Variants in CLSTN2 observed in about 807,000 individuals in gnomAD.
CLSTN2 encodes calsyntenin-2.
A neutral mutation model predicts 101.2 loss-of-function variants in CLSTN2; 48 were observed. The ratio of observed to expected loss-of-function variants is 0.47; its 90% CI spans 0.38 to 0.60. The LOEUF (loss-of-function observed/expected upper bound fraction) is 0.60, where lower values mean the gene tolerates loss of function less well. Ranked by LOEUF, CLSTN2 falls within the 20% of genes least tolerant of loss-of-function variation. The probability of loss-of-function intolerance (pLI) is 0.00; values close to 1 mark genes in which losing one functional copy is unlikely to be tolerated. For synonymous variants in CLSTN2, 481 were observed against 463.6 expected, an observed-to-expected ratio of 1.04 and a Z score of -0.48; for missense variants, 1,160 against 1,238.2, an observed-to-expected ratio of 0.94 and a Z score of 0.95.
At chr3:140,209,399 T>C (rs549015220) in intron 2 of CLSTN2, among the ~76,000 whole-genome samples, 4 of 152,252 alleles carry the variant, frequency 2.6e-5, no homozygotes, top group African/African-American at 9.6e-5. Context: ...TTGGTGGCCA[T>C]AGAGGGATTT....
In CLSTN2 at chr3:140,558,808, T is replaced by G. The variant is rs762647524; in HGVS notation, c.1992T>G (p.Ile664Met). 1.9e-6 allele frequency: 3 copies of G among 1,613,968 alleles called. No homozygotes were observed. In the South Asian group the frequency reaches 3.3e-5, roughly 18 times the overall value. The part of the protein sequence containing the change: ...RGVTLFPDIK[I>M]VSTFAKTEAP... ...TGACCCTCTTCCCTGATATCAAGAT[T>G]GTGAGCACCTTCGCCAAAACCGAAG... Residue 664 changes from isoleucine to methionine, a missense_variant, in exon 12 of 17, where the codon ATT (isoleucine) becomes ATG (methionine). Transcript: ENST00000458420.
intron 2 of CLSTN2, among the ~76,000 whole-genome samples, chr3:140,312,068 T>A (rs988291569): frequency 6.6e-6 from 1 of 152,240 alleles, no homozygotes; most frequent in Admixed American, 6.5e-5. Context: ...CTTTCTCCCA[T>A]GCAGTATAGG....
At chr3:140,033,949 C>T (rs1198075192) in intron 1 of CLSTN2, among the ~76,000 whole-genome samples, 1 of 152,172 alleles carries the variant, frequency 6.6e-6, no homozygotes, top group Non-Finnish European at 1.5e-5. Flanking sequence ...AAATGTCTCT[C>T]ATTAGCCTTT....
chr3:140,152,901 A>G (rs2009889396), intron 1 of CLSTN2, among the ~76,000 whole-genome samples: 2 of 152,266 alleles, frequency 1.3e-5, no homozygotes, highest in Admixed American at 1.3e-4. Context: ...GCTGTGTGCA[A>G]GCCCTGAGGA....
chr3:140,489,097 A>G (rs1382226691), intron 8 of CLSTN2, among the ~76,000 whole-genome samples: 3 of 152,204 alleles, frequency 2.0e-5, no homozygotes, highest in Admixed American at 6.5e-5. Flanking sequence ...TTTAAGTGAT[A>G]AAATGGGAGA....
rs150113926 is a variant in CLSTN2, at chr3:140,371,960, C to T, written c.233-31669C>T. Reference sequence around the variant, plus strand: ...GAGGCCAGAGAGACCAAGCCAGTAACGACTGCGTGGCAACTGGGTTTGTAA... The same window carrying T: ...GAGGCCAGAGAGACCAAGCCAGTAATGACTGCGTGGCAACTGGGTTTGTAA... On this transcript the variant is annotated intron_variant, in intron 2 of 16. Transcript: ENST00000458420. Among the ~76,000 whole-genome samples the T allele has an allele frequency of 6.7e-4, 102 of 152,224 alleles. 1 individual carries two copies. Among genetic ancestry groups the T allele is most frequent in the African/African-American group, 2.2e-3 (92 of 41,542 alleles).
chr3:140,338,865 A>C (rs2087466724), intron 2 of CLSTN2, among the ~76,000 whole-genome samples: 1 of 152,166 alleles, frequency 6.6e-6, no homozygotes. Context: ...CTGCTACCTT[A>C]ATCCAAAATG....
chr3:140,285,171 C>A (rs552886805), intron 2 of CLSTN2, among the ~76,000 whole-genome samples: 1 of 152,248 alleles, frequency 6.6e-6, no homozygotes, highest in East Asian at 1.9e-4. Flanking sequence ...GTTCTCTGTG[C>A]TGTTCAATAT....
intron 2 of CLSTN2, among the ~76,000 whole-genome samples, chr3:140,316,438 G>A (rs151154235): frequency 6.6e-6 from 1 of 152,202 alleles, no homozygotes; most frequent in Admixed American, 6.5e-5. Flanking sequence ...GTACAAGTAG[G>A]CACCTGCTAA....
intron 8 of CLSTN2, chr3:140,508,922 T>G (rs1934740819): frequency 6.6e-6 from 1 of 152,090 alleles, no homozygotes; most frequent in African/African-American, 2.4e-5. Context: ...CTTTTTTTTT[T>G]GAGTGGGGGC....
chr3:140,553,779 G>C (rs1935750662), intron 10 of CLSTN2, among the ~76,000 whole-genome samples: 2 of 152,206 alleles, frequency 1.3e-5, no homozygotes, highest in African/African-American at 4.8e-5. Context: ...ATTGGCCAGA[G>C]GTAGTCATGT....
At chr3:140,258,260 A>T (rs772098003) in intron 2 of CLSTN2, among the ~76,000 whole-genome samples, 2 of 152,232 alleles carry the variant, frequency 1.3e-5, no homozygotes, top group Non-Finnish European at 2.9e-5. Flanking sequence ...TCCATCTTCC[A>T]ATTTGCTAAT....
intron 1 of CLSTN2, among the ~76,000 whole-genome samples, chr3:139,969,959 G>A (rs577464745): frequency 6.6e-6 from 1 of 152,170 alleles, no homozygotes; most frequent in Non-Finnish European, 1.5e-5. Flanking sequence ...TGACATAAAA[G>A]GAGAGGGCAC....
chr3:140,002,278 C>A (rs923325437), intron 1 of CLSTN2, among the ~76,000 whole-genome samples: 1 of 152,170 alleles, frequency 6.6e-6, no homozygotes, highest in Non-Finnish European at 1.5e-5. Flanking sequence ...GAGATGATAT[C>A]TCATAGTTTT....
At chr3:139,964,035 C>T (rs533062153) in intron 1 of CLSTN2, among the ~76,000 whole-genome samples, 1 of 152,330 alleles carries the variant, frequency 6.6e-6, no homozygotes, top group South Asian at 2.1e-4. Context: ...GCTGCCTTGG[C>T]TCACACCACC....
intron 8 of CLSTN2, among the ~76,000 whole-genome samples, chr3:140,470,770 T>A (rs899381015): frequency 1.3e-5 from 2 of 152,184 alleles, no homozygotes; most frequent in African/African-American, 4.8e-5. Context: ...TAAGCAAATA[T>A]AACTCATGCG....
intron 9 of CLSTN2, among the ~76,000 whole-genome samples, chr3:140,540,542 G>C (rs936640847): frequency 2.0e-5 from 3 of 152,204 alleles, no homozygotes; most frequent in Admixed American, 2.0e-4. Flanking sequence ...TATTTGCATT[G>C]CTTAAAATTG....
chr3:140,050,219 C>T (rs1243285921), intron 1 of CLSTN2, among the ~76,000 whole-genome samples: 3 of 152,172 alleles, frequency 2.0e-5, no homozygotes, highest in Non-Finnish European at 2.9e-5. Context: ...CTCTGTTTCT[C>T]ACCTGGGAAC....
intron 1 of CLSTN2, among the ~76,000 whole-genome samples, chr3:140,016,793 GAAAAAAAA>G (rs56040791): frequency 3.4e-5 from 3 of 89,284 alleles, no homozygotes; most frequent in African/African-American, 1.4e-4. Flanking sequence ...GTGAGACTCT[GAAAAAAAA>G]AAAAAAAAAA....
Sources: gnomAD v4.1 joint callset for allele counts (sites outside exome capture counted in the v4.1 genomes callset) on GRCh38, gnomAD v4.1.1 for gene constraint, MANE v1.5 for transcripts, NCBI Gene and HGNC (gene_info 2026-07-23, HGNC 2026-07-21) for gene names.